Variants in LIMCH1 observed in about 807,000 individuals in gnomAD.
LIMCH1 encodes LIM and calponin homology domains-containing protein 1.
Under a neutral mutation model 176.5 loss-of-function variants are expected in LIMCH1, and 113 were observed. That is an observed-to-expected ratio of 0.64 (90% CI 0.55 to 0.75). The LOEUF (loss-of-function observed/expected upper bound fraction) is 0.75, where lower values mean the gene tolerates loss of function less well. LIMCH1 is among the 30% of genes least tolerant of loss of function. LIMCH1 has a pLI of 0.00. For synonymous variants in LIMCH1, 619 were observed against 645.9 expected (o/e 0.96, Z 0.63); for missense variants, 1,674 against 1,814.9 (o/e 0.92, Z 1.41).
At chr4:41,438,473 C>T (rs1416626764) in intron 1 of LIMCH1, among the ~76,000 whole-genome samples, 2 of 151,824 alleles carry the variant, frequency 1.3e-5, no homozygotes, top group African/African-American at 4.8e-5. Context: ...AGCAATTCTC[C>T]TGCCTCAGCC....
upstream of LIMCH1, among the ~76,000 whole-genome samples, chr4:41,535,504 C>T (rs1053314092): frequency 2.6e-5 from 4 of 152,178 alleles, no homozygotes; most frequent in African/African-American, 9.7e-5. Context: ...CTGTATGTAT[C>T]TGTGTCCATA....
chr4:41,503,015 A>G (rs1475080589), intron 2 of LIMCH1, among the ~76,000 whole-genome samples: 22 of 151,356 alleles, frequency 1.5e-4, no homozygotes, highest in African/African-American at 3.9e-4. Context: ...CCATCCATCC[A>G]TCCATCCATC....
At chr4:41,387,187 CA>C in intron 1 of LIMCH1, among the ~76,000 whole-genome samples, 1 of 152,198 alleles carries the variant, frequency 6.6e-6, no homozygotes. Context: ...GATGAAAATA[CA>C]GAAAATGAGA....
intron 4 of LIMCH1, among the ~76,000 whole-genome samples, chr4:41,610,234 G>A (rs2091265486): frequency 6.6e-6 from 1 of 152,216 alleles, no homozygotes; most frequent in Admixed American, 6.5e-5. Flanking sequence ...GGGTGAGGGT[G>A]GGGAAGACAT....
rs80041815 is a variant in LIMCH1 at position 41,404,890 on chromosome 4, C to T, written c.96+43954C>T. The stretch of plus-strand genomic sequence containing the variant: ...TCTTCTTCATTCTTTTGTTCCTTCA[C>T]TCCTTCACTAAATATTTATTTAAAG... On this transcript the variant is annotated intron_variant, in intron 1 of 26. Coordinates refer to the LIMCH1 transcript ENST00000313860. Among the ~76,000 whole-genome samples the T allele has an allele frequency of 2.2e-3, 340 of 152,272 alleles. 1 individual carries two copies. The highest frequency in any genetic ancestry group is 7.3e-3 in the African/African-American group (303 of 41,532).
chr4:41,561,733 A>G (rs1205266205), intron 1 of LIMCH1, among the ~76,000 whole-genome samples: 2 of 152,228 alleles, frequency 1.3e-5, no homozygotes, highest in African/African-American at 2.4e-5. Context: ...ATGTTGAAGA[A>G]CTAAATTCCT....
intron 1 of LIMCH1, among the ~76,000 whole-genome samples, chr4:41,559,478 T>G (rs1218379924): frequency 6.6e-6 from 1 of 151,304 alleles, no homozygotes; most frequent in Non-Finnish European, 1.5e-5. Context: ...TACTAAGCCC[T>G]CTTTTACTCT....
intron 2 of LIMCH1, among the ~76,000 whole-genome samples, chr4:41,516,189 A>T (rs1210595015): frequency 6.6e-6 from 1 of 152,100 alleles, no homozygotes; most frequent in African/African-American, 2.4e-5. Flanking sequence ...TTTGGGGGTG[A>T]TTGGGCTTGA....
At chr4:41,387,320 G>A (rs1271821877) in intron 1 of LIMCH1, among the ~76,000 whole-genome samples, 1 of 152,104 alleles carries the variant, frequency 6.6e-6, no homozygotes, top group Non-Finnish European at 1.5e-5. Flanking sequence ...GTACATGCAC[G>A]TTGATGTAAA....
chr4:41,639,035 C>A, intron 14 of LIMCH1, 68 bp downstream of exon 14: 1 of 1,191,838 alleles, frequency 8.4e-7, no homozygotes, highest in Non-Finnish European at 1.2e-6. Flanking sequence ...CAGTACTTAC[C>A]ACTAATTGAA....
chr4:41,640,998 C>A lies in LIMCH1; in HGVS notation c.2126+2031C>A, dbSNP rs571447503. 2.6e-5 allele frequency among the ~76,000 whole-genome samples: 4 copies of A among 152,304 alleles called. No homozygotes were observed. In the East Asian group the frequency reaches 5.8e-4, roughly 22 times the overall value. On this transcript the variant is annotated intron_variant, in intron 14 of 31. Coordinates refer to ENST00000503057, the MANE Select transcript of LIMCH1 (RefSeq NM_001330672.2). ...ACCTGGCCCACCAAAGGAGTCGGTA[C>A]GTTGTGAGAGCCATAGGCCATTTTA...
At chr4:41,567,525 G>A (rs1207664849) in intron 1 of LIMCH1, among the ~76,000 whole-genome samples, 1 of 152,062 alleles carries the variant, frequency 6.6e-6, no homozygotes, top group Non-Finnish European at 1.5e-5. Context: ...AAATTCCAGA[G>A]CCCATACTTT....
At chr4:41,622,619 C>G (rs1184140714) in intron 7 of LIMCH1, among the ~76,000 whole-genome samples, 1 of 152,150 alleles carries the variant, frequency 6.6e-6, no homozygotes, top group African/African-American at 2.4e-5. Flanking sequence ...CGTACTGTGC[C>G]ACTTCAGTAC....
intron 3 of LIMCH1, among the ~76,000 whole-genome samples, chr4:41,526,880 C>G (rs189117195): frequency 7.9e-4 from 121 of 152,326 alleles, no homozygotes; most frequent in African/African-American, 2.4e-3. Flanking sequence ...ATTTCCTTGG[C>G]CACTGCCCCA....
intron 29 of LIMCH1, 66 bp downstream of exon 29, chr4:41,687,983 T>A: frequency 7.8e-7 from 1 of 1,277,444 alleles, no homozygotes; most frequent in South Asian, 1.2e-5. Context: ...AAGCATCATT[T>A]CAACTGAATT....
chr4:41,646,288 C>CT lies in LIMCH1; in HGVS notation c.2411+11dup, dbSNP rs1407444944. On this transcript the variant is annotated intron_variant, in intron 16 of 31. Coordinates refer to ENST00000503057, the MANE Select transcript of LIMCH1 (RefSeq NM_001330672.2). Reference sequence around the variant, plus strand: ...AGAAATTGTTCAAGAAAAGTGAGTTCTTTCTGTTGTCGTTTTTAATGTACA... The same window carrying CT: ...AGAAATTGTTCAAGAAAAGTGAGTTCTTTTCTGTTGTCGTTTTTAATGTACA... The CT allele has an allele frequency of 6.3e-7, 1 of 1,597,462 alleles. No homozygotes were observed. The highest frequency in any genetic ancestry group is 1.8e-5 in the Admixed American group (1 of 55,484).
intron 1 of LIMCH1, among the ~76,000 whole-genome samples, chr4:41,587,337 T>C (rs946037757): frequency 6.6e-6 from 1 of 152,164 alleles, no homozygotes; most frequent in East Asian, 1.9e-4. Context: ...TCTATCCTCT[T>C]TCATTAGCTA....
chr4:41,600,880 T>A (rs2089799033), intron 2 of LIMCH1, among the ~76,000 whole-genome samples: 1 of 152,132 alleles, frequency 6.6e-6, no homozygotes, highest in African/African-American at 2.4e-5. Context: ...GTGGATACAG[T>A]CCCTTCTTAG....
chr4:41,376,225 A>G (rs2054752594), intron 1 of LIMCH1, among the ~76,000 whole-genome samples: 2 of 152,206 alleles, frequency 1.3e-5, no homozygotes, highest in Non-Finnish European at 2.9e-5. Context: ...AAAAATGAGT[A>G]AGAGTGTTTA....
Sources: gnomAD v4.1 joint callset for allele counts (sites outside exome capture counted in the v4.1 genomes callset) on GRCh38, gnomAD v4.1.1 for gene constraint, MANE v1.5 for transcripts, NCBI Gene and HGNC (gene_info 2026-07-23, HGNC 2026-07-21) for gene names.